The following SLC34A2 variants were observed in gnomAD, a reference collection of about 807,000 sequenced individuals.
SLC34A2 encodes the protein sodium-dependent phosphate transport protein 2B.
A neutral mutation model predicts 50.8 loss-of-function variants in SLC34A2; 41 were observed. The observed-to-expected ratio is 0.81, with a 90% CI of 0.63 to 1.05. The LOEUF (loss-of-function observed/expected upper bound fraction) is 1.05, where lower values mean the gene tolerates loss of function less well. Ranked by LOEUF, SLC34A2 falls within the 50% of genes least tolerant of loss-of-function variation. The pLI is 0.00. For synonymous variants in SLC34A2, 401 were observed against 364.2 expected, an observed-to-expected ratio of 1.10 and a Z score of -1.15; for missense variants, 879 against 876.7, an observed-to-expected ratio of 1.00 and a Z score of -0.03.
At chr4:25,674,149 G>A (rs924070602) in intron 10 of SLC34A2, 147 bp from the exon 11 acceptor site, 13 of 709,726 alleles carry the variant, frequency 1.8e-5, no homozygotes, top group Non-Finnish European at 3.4e-5. Context: ...AATGGGGAAT[G>A]AAACTGGATT....
rs1714290943 is a variant in SLC34A2, at chr4:25,662,966, G to T, written c.250+124G>T. On this transcript the variant is annotated intron_variant, in intron 3 of 12. Coordinates refer to ENST00000382051, the MANE Select transcript of SLC34A2 (RefSeq NM_006424.3). ...CCTTGAAGCAAGGGTCCTGGCTAGG[G>T]ATGTCACCCTCTCATCTTTTTTTTT... 1.3e-5 allele frequency: 15 copies of T among 1,142,968 alleles called. No individual in the cohort carries two copies. The South Asian group carries it at 2.3e-4, about 18-fold the overall frequency. The allele number at this position is 1,142,968 out of a possible 1,614,324, so 70.8% of individuals were successfully genotyped here. A position where few individuals can be genotyped will look rare whatever the true frequency, so the allele number is the denominator to read the frequency against.
At chr4:25,658,381 C>T (rs1713999501) in intron 1 of SLC34A2, among the ~76,000 whole-genome samples, 1 of 152,176 alleles carries the variant, frequency 6.6e-6, no homozygotes, top group Admixed American at 6.5e-5. Context: ...GACCACTGCC[C>T]TGGGCTTCCT....
intron 1 of SLC34A2, 125 bp from the exon 2 acceptor site, chr4:25,662,373 T>G (rs1298883333): frequency 1.3e-6 from 1 of 780,120 alleles, no homozygotes; most frequent in Non-Finnish European, 2.2e-6. Flanking sequence ...CCCTTCCTTT[T>G]ACTGCCGCCT....
rs372932392 is a variant in SLC34A2 at position 25,669,762 on chromosome 4, A to G, written c.751A>G (p.Ser251Gly). 275 of 1,613,736 alleles carry G rather than the reference A, an allele frequency of 1.7e-4. No homozygotes were observed. The highest frequency in any genetic ancestry group is 2.2e-4 in the Non-Finnish European group (254 of 1,179,858). Reference sequence around the variant, plus strand: ...GATCATAACCCAGCTTATAGTGGAGAGCTTCCACTTCAAGAATGGAGAAGA... The same window carrying G: ...GATCATAACCCAGCTTATAGTGGAGGGCTTCCACTTCAAGAATGGAGAAGA... Reference protein sequence around the residue: ...LEIITQLIVESFHFKNGEDAP... With the variant: ...LEIITQLIVEGFHFKNGEDAP... Residue 251 changes from serine to glycine, a missense_variant, in exon 7 of 13, where the codon AGC becomes GGC. Ser to Gly is a moderately conservative substitution (Grantham distance 56). Coordinates refer to ENST00000382051, the MANE Select transcript of SLC34A2 (RefSeq NM_006424.3).
Position 25,661,470 on chromosome 4 carries a change from C to A in SLC34A2, c.-3-1028C>A, listed in dbSNP as rs548777291. ...TGGCATGATCTCAGTTCACTACAAC[C>A]TCCGCCTCCCAGGTTCAAGCAATTC... On this transcript the variant is annotated intron_variant, in intron 1 of 12. Coordinates refer to ENST00000382051, the MANE Select transcript of SLC34A2 (RefSeq NM_006424.3). 2.0e-5 allele frequency among the ~76,000 whole-genome samples: 3 copies of A among 152,308 alleles called. No homozygotes were observed. The East Asian group carries it at 5.8e-4, about 29-fold the overall frequency.
chr4:25,659,535 C>T (rs4697596), intron 1 of SLC34A2, among the ~76,000 whole-genome samples: 42,913 of 151,774 alleles, frequency 0.28, 7,039 homozygotes, highest in East Asian at 0.59. Context: ...CAGTGCATTT[C>T]CACATTGTGT....
chr4:25,657,046 G>A (rs1713921359), intron 1 of SLC34A2, among the ~76,000 whole-genome samples: 1 of 152,160 alleles, frequency 6.6e-6, no homozygotes, highest in Non-Finnish European at 1.5e-5. Context: ...CGCTGATCAT[G>A]ATCTTCTCTG....
rs772947084 is a variant in SLC34A2, at chr4:25,674,598, G to A, written c.1427G>A (p.Ser476Asn). 1 of 1,614,234 alleles carries A rather than the reference G, an allele frequency of 6.2e-7. No homozygotes were observed. The highest frequency in any genetic ancestry group is 8.5e-7 in the Non-Finnish European group (1 of 1,180,044). Residue 476 changes from serine (S) to asparagine (N), a missense_variant, in exon 12 of 13, where the codon AGC becomes AAC. Transcript: ENST00000382051. ...ACCGCCATCCTGGCCGCCTTAGCCA[G>A]CCCTGGCAATGCATTGAGGAGTTCA... is the stretch of plus-strand genomic sequence containing the variant. ...TTTAILAALA[S>N]PGNALRSSLQ...
chr4:25,674,023 G>T (rs1314159109), intron 10 of SLC34A2, among the ~76,000 whole-genome samples: 2 of 152,206 alleles, frequency 1.3e-5, no homozygotes, highest in African/African-American at 4.8e-5. Flanking sequence ...GAAGGAGAGT[G>T]GTTACTTGGG....
In SLC34A2 at chr4:25,674,321, G is replaced by T. The variant is rs76404281; in HGVS notation, c.1242G>T (p.Leu414Phe). 5 of 1,613,924 alleles carry T rather than the reference G, an allele frequency of 3.1e-6. No individual in the cohort carries two copies. The African/African-American group carries it at 5.3e-5, about 17-fold the overall frequency. Residue 414 changes from leucine to phenylalanine, a missense_variant, in exon 11 of 13, where the codon TTG becomes TTT. By Grantham distance (22) the Leu-to-Phe change is conservative. Transcript: ENST00000382051. ...NTDFPFPFAW[L>F]TGYLAILVGA... ...ATTTCCCCTTTCCCTTTGCATGGTT[G>T]ACTGGCTACCTGGCCATCCTCGTCG...
At chr4:25,664,704 AT>A (rs1384944254) in intron 4 of SLC34A2, among the ~76,000 whole-genome samples, 3 of 152,206 alleles carry the variant, frequency 2.0e-5, no homozygotes, top group East Asian at 3.9e-4. Context: ...CCTTTCAAAT[AT>A]GGGCCCTTGC....
intron 1 of SLC34A2, among the ~76,000 whole-genome samples, chr4:25,662,010 C>G (rs1423094434): frequency 6.6e-6 from 1 of 151,988 alleles, no homozygotes; most frequent in African/African-American, 2.4e-5. Context: ...GTAGCTGGGA[C>G]TATAGGCGTG....
At chr4:25,675,169 T>C (rs1164239077) in intron 12 of SLC34A2, among the ~76,000 whole-genome samples, 4 of 152,202 alleles carry the variant, frequency 2.6e-5, no homozygotes, top group African/African-American at 9.7e-5. Flanking sequence ...GCAGCTGGGA[T>C]TACAGGCACC....
At position 25,674,441 on chromosome 4, in the gene SLC34A2, G is replaced by A. The variant is rs202047243; in HGVS notation, c.1333+29G>A. The A allele has an allele frequency of 3.3e-5, 54 of 1,614,122 alleles. No individual in the cohort carries two copies. In the East Asian group the frequency reaches 6.2e-4, roughly 19 times the overall value. On this transcript the variant is annotated intron_variant, in intron 11 of 12. Coordinates refer to ENST00000382051, the MANE Select transcript of SLC34A2 (RefSeq NM_006424.3). ...AGTTACACCCTGGCTTCTCCCTCTG[G>A]CCACCACTGCCATTTCCTGTCATCC...
At chr4:25,662,446 C>A in intron 1 of SLC34A2, 52 bp from the exon 2 acceptor site, 1 of 1,490,940 alleles carries the variant, frequency 6.7e-7, no homozygotes, top group South Asian at 1.1e-5. Context: ...TATAGCATCT[C>A]GGTGTGCCTC....
chr4:25,661,283 T>C lies in SLC34A2; in HGVS notation c.-3-1215T>C, dbSNP rs7654753. On this transcript the variant is annotated intron_variant, in intron 1 of 12. Coordinates refer to ENST00000382051, the MANE Select transcript of SLC34A2 (RefSeq NM_006424.3). ...TAAAGGGACTTGCCTAAATACACAC[T>C]CATTAATAGGTGGCACTGCTGGATT... Among the ~76,000 whole-genome samples, 702 of 152,196 alleles carry C rather than the reference T, an allele frequency of 4.6e-3. 6 individuals carry two copies. The highest frequency in any genetic ancestry group is 0.016 in the African/African-American group (660 of 41,528).
chr4:25,671,056 C>T (rs1355024536), intron 8 of SLC34A2, among the ~76,000 whole-genome samples: 1 of 152,208 alleles, frequency 6.6e-6, no homozygotes, highest in Non-Finnish European at 1.5e-5. Context: ...TTTGCCCCAT[C>T]CCAGGGATAC....
Position 25,677,021 on chromosome 4 carries a change from G to A in SLC34A2, c.*272G>A. The A allele has an allele frequency of 2.0e-6, 1 of 508,716 alleles. No homozygotes were observed. Among genetic ancestry groups the A allele is most frequent in the Non-Finnish European group, 3.5e-6 (1 of 282,778 alleles). The allele number at this position is 508,716 out of a possible 1,614,324, so 31.5% of individuals were successfully genotyped here. On this transcript the variant is annotated 3_prime_UTR_variant, in exon 13 of 13. Coordinates refer to ENST00000382051, the MANE Select transcript of SLC34A2 (RefSeq NM_006424.3). ...AATTAGAGAATGAACCTGGCGGGAC[G>A]GATGTCTAATCCTGCGCCTAGCTGG...
chr4:25,674,265 G>T (rs775784181), intron 10 of SLC34A2, 31 bp from the exon 11 acceptor site: 2 of 1,574,206 alleles, frequency 1.3e-6, no homozygotes, highest in African/African-American at 1.3e-5. Context: ...TCCCCGGAGA[G>T]GCCATGACAT....
Sources: allele counts gnomAD v4.1 joint callset (sites outside exome capture counted in the v4.1 genomes callset), GRCh38; gene constraint gnomAD v4.1.1; transcripts MANE v1.5; gene names NCBI Gene and HGNC (gene_info 2026-07-23, HGNC 2026-07-21).